KCNIP4: variants seen among roughly 807,000 people sequenced by gnomAD.
The protein encoded by KCNIP4 is potassium voltage-gated channel interacting protein 4.
In KCNIP4, 12 loss-of-function variants were observed where a neutral mutation model predicts 34.0. The ratio of observed to expected loss-of-function variants is 0.35; its 90% CI spans 0.23 to 0.57. The LOEUF (loss-of-function observed/expected upper bound fraction) is 0.57, where lower values mean the gene tolerates loss of function less well. Among genes scored for constraint, KCNIP4 ranks in the 20% least tolerant of loss-of-function variants. The pLI is 0.83. For missense variants in KCNIP4, 238 were observed against 311.7 expected (o/e 0.76, Z 1.78); for synonymous variants, 124 against 102.2 (o/e 1.21, Z -1.29).
chr4:21,019,312 C>T (rs1009644710), intron 1 of KCNIP4, among the ~76,000 whole-genome samples: 10 of 152,012 alleles, frequency 6.6e-5, no homozygotes, highest in South Asian at 2.1e-4. Flanking sequence ...CATGCCACCA[C>T]GTCCGGCTAA....
chr4:21,792,024 A>C (rs1024917959), intron 1 of KCNIP4, among the ~76,000 whole-genome samples: 18 of 131,910 alleles, frequency 1.4e-4, no homozygotes, highest in Non-Finnish European at 2.9e-4. Flanking sequence ...AAAAAAAAAA[A>C]AAAAACCTAC....
intron 1 of KCNIP4, among the ~76,000 whole-genome samples, chr4:21,444,280 C>T (rs1316054130): frequency 1.3e-5 from 2 of 152,146 alleles, no homozygotes; most frequent in African/African-American, 2.4e-5. Context: ...TTTTATGAGG[C>T]CAGCATCATC....
chr4:21,350,492 CTT>C (rs1209147824), intron 1 of KCNIP4, among the ~76,000 whole-genome samples: 3 of 152,272 alleles, frequency 2.0e-5, no homozygotes, highest in East Asian at 1.9e-4. Context: ...CTTCTGGACT[CTT>C]TTCTCTTTGC....
At chr4:21,013,904 C>T (rs1313900227) in intron 1 of KCNIP4, among the ~76,000 whole-genome samples, 1 of 152,094 alleles carries the variant, frequency 6.6e-6, no homozygotes, top group Non-Finnish European at 1.5e-5. Flanking sequence ...AACTCTTTAC[C>T]TTGTCAGCTT....
chr4:21,073,634 C>G (rs1745187614), intron 1 of KCNIP4, among the ~76,000 whole-genome samples: 1 of 152,130 alleles, frequency 6.6e-6, no homozygotes, highest in Admixed American at 6.6e-5. Flanking sequence ...TTATTTCTTT[C>G]TCCTGCCTGA....
intron 1 of KCNIP4, among the ~76,000 whole-genome samples, chr4:21,730,568 C>T (rs1023049284): frequency 6.6e-6 from 1 of 151,930 alleles, no homozygotes; most frequent in African/African-American, 2.4e-5. Context: ...GGCTACGAGG[C>T]TTGGAGATAT....
intron 1 of KCNIP4, among the ~76,000 whole-genome samples, chr4:21,925,450 A>G (rs889917712): frequency 6.6e-6 from 1 of 152,118 alleles, no homozygotes; most frequent in Non-Finnish European, 1.5e-5. Context: ...TCCATGGTGT[A>G]TACGTGCCAC....
chr4:21,021,171 G>A (rs2149747923), intron 1 of KCNIP4, among the ~76,000 whole-genome samples: 1 of 152,232 alleles, frequency 6.6e-6, no homozygotes, highest in South Asian at 2.1e-4. Context: ...AAGTATTTGT[G>A]TATTTTAACA....
At chr4:21,689,607 T>C (rs73256519) in intron 1 of KCNIP4, among the ~76,000 whole-genome samples, 6,625 of 152,244 alleles carry the variant, frequency 0.044, 216 homozygotes, top group East Asian at 0.065. Flanking sequence ...TATGATGTAA[T>C]ATATTTATAT....
intron 1 of KCNIP4, among the ~76,000 whole-genome samples, chr4:21,065,765 T>TATATAG (rs1491302260): frequency 8.7e-6 from 1 of 114,832 alleles, no homozygotes; most frequent in African/African-American, 3.1e-5. Flanking sequence ...TATATATATA[T>TATATAG]AACTCAATTT....
chr4:20,878,214 C>T (rs916544023), intron 2 of KCNIP4, among the ~76,000 whole-genome samples: 3 of 152,162 alleles, frequency 2.0e-5, no homozygotes, highest in Non-Finnish European at 2.9e-5. Flanking sequence ...GGAACATCAA[C>T]TGAGTTCATA....
intron 3 of KCNIP4, among the ~76,000 whole-genome samples, chr4:20,779,452 T>A (rs1756655684): frequency 1.3e-5 from 2 of 152,048 alleles, no homozygotes; most frequent in Admixed American, 1.3e-4. Context: ...CAAATCATTC[T>A]CTGACCCTAG....
At chr4:21,543,340 T>C (rs1560503446) in intron 1 of KCNIP4, among the ~76,000 whole-genome samples, 1 of 152,150 alleles carries the variant, frequency 6.6e-6, no homozygotes, top group African/African-American at 2.4e-5. Context: ...GTCAGTTTTC[T>C]AAAAACTGTA....
chr4:21,119,691 TC>T (rs1749988252), intron 1 of KCNIP4, among the ~76,000 whole-genome samples: 1 of 151,856 alleles, frequency 6.6e-6, no homozygotes, highest in Non-Finnish European at 1.5e-5. Flanking sequence ...TCACTGTCCC[TC>T]TTTCTCTCCA....
At chr4:20,845,621 A>T (rs1030374851) in intron 3 of KCNIP4, among the ~76,000 whole-genome samples, 1 of 152,092 alleles carries the variant, frequency 6.6e-6, no homozygotes, top group Non-Finnish European at 1.5e-5. Flanking sequence ...CACAGAGGTG[A>T]TGGGATGAGA....
At chr4:21,275,654 A>G (rs1762394179) in intron 1 of KCNIP4, among the ~76,000 whole-genome samples, 1 of 152,212 alleles carries the variant, frequency 6.6e-6, no homozygotes, top group Non-Finnish European at 1.5e-5. Flanking sequence ...GCATAACAAT[A>G]AATAGTAGAT....
At chr4:21,328,262 C>T (rs1448668041) in intron 1 of KCNIP4, among the ~76,000 whole-genome samples, 2 of 152,106 alleles carry the variant, frequency 1.3e-5, no homozygotes, top group East Asian at 3.9e-4. Flanking sequence ...GTCACTGCAG[C>T]CACATCTGCA....
chr4:20,893,108 G>A (rs1456791408), intron 1 of KCNIP4, among the ~76,000 whole-genome samples: 2 of 152,216 alleles, frequency 1.3e-5, no homozygotes, highest in East Asian at 3.9e-4. Flanking sequence ...TAAATTATAT[G>A]TTCATGCAAT....
At chr4:21,834,307 C>T (rs1275008094) in intron 1 of KCNIP4, among the ~76,000 whole-genome samples, 1 of 152,150 alleles carries the variant, frequency 6.6e-6, no homozygotes, top group Admixed American at 6.5e-5. Flanking sequence ...AGGTCCTTCA[C>T]ATCCCTTGTA....
Sources: gnomAD v4.1 joint callset for allele counts (sites outside exome capture counted in the v4.1 genomes callset) on GRCh38, gnomAD v4.1.1 for gene constraint, MANE v1.5 for transcripts, NCBI Gene and HGNC (gene_info 2026-07-23, HGNC 2026-07-21) for gene names.